HTR1F: variants seen among roughly 807,000 people sequenced by gnomAD.
The protein encoded by HTR1F is 5-hydroxytryptamine (serotonin) receptor 1F, G protein-coupled.
In HTR1F, 17 loss-of-function variants were observed where a neutral mutation model predicts 24.0. The ratio of observed to expected loss-of-function variants is 0.71; its 90% CI spans 0.48 to 1.06. The LOEUF (loss-of-function observed/expected upper bound fraction) is 1.06. HTR1F is among the 50% of genes least tolerant of loss of function. HTR1F has a pLI of 0.00. For synonymous variants in HTR1F, 186 were observed against 156.8 expected (o/e 1.19, Z -1.39); for missense variants, 391 against 427.8 (o/e 0.91, Z 0.76).
At chr3:87,836,427 C>T (rs1257846648) in intron 2 of HTR1F, among the ~76,000 whole-genome samples, 25 of 151,934 alleles carry the variant, frequency 1.6e-4, no homozygotes, top group Non-Finnish European at 5.9e-5. Context: ...TTTTGTTTCA[C>T]GTTGAGTCAC....
Position 87,931,977 on chromosome 3 carries a change from T to A in HTR1F, c.-42-58731T>A, listed in dbSNP as rs1362594203. ...TCAGATGAGTGGGTTGCAAAAATTT[T>A]CTCCCATTCTGTAGGTTGCCTGTTC... On this transcript the variant is annotated intron_variant, in intron 2 of 2. Transcript: ENST00000319595. Among the ~76,000 whole-genome samples the A allele has an allele frequency of 2.0e-5, 3 of 152,212 alleles. No individual in the cohort carries two copies. The East Asian group carries it at 5.8e-4, about 29-fold the overall frequency.
intron 2 of HTR1F, among the ~76,000 whole-genome samples, chr3:87,826,112 T>C (rs557269719): frequency 1.3e-5 from 2 of 152,194 alleles, no homozygotes. Flanking sequence ...CTAGGCACCA[T>C]TGATGGTACC....
intron 2 of HTR1F, among the ~76,000 whole-genome samples, chr3:87,873,427 C>T (rs1044266545): frequency 3.0e-4 from 46 of 152,152 alleles, no homozygotes; most frequent in African/African-American, 1.1e-3. Context: ...GAATGCTCCA[C>T]TTCAAACAGG....
At chr3:87,899,802 G>A (rs1366623210) in intron 2 of HTR1F, among the ~76,000 whole-genome samples, 1 of 152,164 alleles carries the variant, frequency 6.6e-6, no homozygotes, top group Non-Finnish European at 1.5e-5. Context: ...GATGGAGGTT[G>A]CAGTGAGCCA....
At chr3:87,837,031 CTTA>C (rs771822010) in intron 2 of HTR1F, among the ~76,000 whole-genome samples, 6 of 151,926 alleles carry the variant, frequency 3.9e-5, no homozygotes, top group Non-Finnish European at 8.8e-5. Flanking sequence ...TTTTCACAGA[CTTA>C]TTATGTTTGC....
At chr3:87,847,322 T>A (rs1380741698) in intron 2 of HTR1F, among the ~76,000 whole-genome samples, 1 of 151,868 alleles carries the variant, frequency 6.6e-6, no homozygotes, top group Non-Finnish European at 1.5e-5. Context: ...TCAATTACAT[T>A]TAAAAATTCT....
At chr3:87,921,073 T>C (rs1704003469) in intron 2 of HTR1F, among the ~76,000 whole-genome samples, 1 of 151,986 alleles carries the variant, frequency 6.6e-6, no homozygotes, top group Non-Finnish European at 1.5e-5. Flanking sequence ...TCATTATAAC[T>C]GGAGAAATTA....
chr3:87,860,566 G>A (rs549875127), intron 2 of HTR1F, among the ~76,000 whole-genome samples: 31 of 152,130 alleles, frequency 2.0e-4, no homozygotes, highest in African/African-American at 7.0e-4. Flanking sequence ...AAAAACTAAC[G>A]TGTATATTGA....
chr3:87,819,477 G>A (rs1219201990), intron 1 of HTR1F, among the ~76,000 whole-genome samples: 2 of 151,644 alleles, frequency 1.3e-5, no homozygotes, highest in East Asian at 3.9e-4. Flanking sequence ...AAGAATACTA[G>A]TAAATTATCT....
chr3:87,893,295 G>C (rs1209218968), intron 2 of HTR1F, among the ~76,000 whole-genome samples: 1 of 152,050 alleles, frequency 6.6e-6, no homozygotes, highest in Non-Finnish European at 1.5e-5. Flanking sequence ...TCAACCCCAA[G>C]CATTAATTCT....
At chr3:87,945,261 G>A (rs1417005039) in intron 2 of HTR1F, among the ~76,000 whole-genome samples, 2 of 152,082 alleles carry the variant, frequency 1.3e-5, no homozygotes, top group Non-Finnish European at 2.9e-5. Context: ...GGACACCAGG[G>A]ATAAGACTCC....
intron 2 of HTR1F, among the ~76,000 whole-genome samples, chr3:87,836,958 A>G (rs1397435456): frequency 6.6e-6 from 1 of 152,066 alleles, no homozygotes; most frequent in Non-Finnish European, 1.5e-5. Flanking sequence ...TTTGTAGATT[A>G]TGGGAAGAAC....
At chr3:87,815,398 G>A (rs1704231916) in intron 1 of HTR1F, among the ~76,000 whole-genome samples, 1 of 152,044 alleles carries the variant, frequency 6.6e-6, no homozygotes, top group African/African-American at 2.4e-5. Flanking sequence ...GGTAGTATCA[G>A]GAAGTGTACT....
At chr3:87,891,691 AGG>A (rs1465528705) in intron 2 of HTR1F, among the ~76,000 whole-genome samples, 1 of 152,188 alleles carries the variant, frequency 6.6e-6, no homozygotes, top group African/African-American at 2.4e-5. Flanking sequence ...TCATTATTTC[AGG>A]TCAAGTGATT....
intron 2 of HTR1F, among the ~76,000 whole-genome samples, chr3:87,847,717 C>T (rs1704977081): frequency 6.6e-6 from 1 of 151,814 alleles, no homozygotes; most frequent in Admixed American, 6.6e-5. Flanking sequence ...TTCCAAGTCT[C>T]TGGTACCCAT....
chr3:87,805,667 A>G (rs1704061950), intron 1 of HTR1F, among the ~76,000 whole-genome samples: 2 of 152,208 alleles, frequency 1.3e-5, no homozygotes, highest in South Asian at 4.1e-4. Context: ...ACTTTGAAAT[A>G]TGCATTAGGG....
At chr3:87,847,338 TTGAAC>T (rs1386864879) in intron 2 of HTR1F, among the ~76,000 whole-genome samples, 1 of 151,832 alleles carries the variant, frequency 6.6e-6, no homozygotes, top group African/African-American at 2.4e-5. Context: ...ATTCTACAGC[TTGAAC>T]TGAAGACTTA....
At chr3:87,800,151 T>G (rs868328600) in intron 1 of HTR1F, among the ~76,000 whole-genome samples, 1 of 152,282 alleles carries the variant, frequency 6.6e-6, no homozygotes, top group Non-Finnish European at 1.5e-5. Flanking sequence ...GTCACCAAAT[T>G]AACTTTAGGT....
intron 2 of HTR1F, among the ~76,000 whole-genome samples, chr3:87,888,217 G>A (rs1706000496): frequency 1.3e-5 from 2 of 152,142 alleles, no homozygotes; most frequent in Admixed American, 1.3e-4. Flanking sequence ...ACTATCACAA[G>A]TACAGAAAAC....
Sources: allele counts gnomAD v4.1 joint callset (sites outside exome capture counted in the v4.1 genomes callset), GRCh38; gene constraint gnomAD v4.1.1; transcripts MANE v1.5; gene names NCBI Gene and HGNC (gene_info 2026-07-23, HGNC 2026-07-21).